The following ZHX1 variants were observed in gnomAD, a reference collection of about 807,000 sequenced individuals.
ZHX1 encodes zinc fingers and homeoboxes 1.
A neutral mutation model predicts 61.8 loss-of-function variants in ZHX1; 20 were observed. That is an observed-to-expected ratio of 0.32 (90% CI 0.23 to 0.47). ZHX1 has a LOEUF of 0.47. ZHX1 is among the 20% of genes least tolerant of loss of function. The pLI is 1.00. For missense variants in ZHX1, 800 were observed against 1,034.8 expected, an observed-to-expected ratio of 0.77 and a Z score of 3.11; for synonymous variants, 318 against 352.6, an observed-to-expected ratio of 0.90 and a Z score of 1.10.
chr8:123,261,499 T>C (rs1826265138), intron 2 of ZHX1, among the ~76,000 whole-genome samples: 1 of 152,160 alleles, frequency 6.6e-6, no homozygotes, highest in Admixed American at 6.5e-5. Context: ...AATGATGCAA[T>C]GGTGACCAAG....
intron 1 of ZHX1, among the ~76,000 whole-genome samples, chr8:123,268,881 C>CTA (rs1826552104): frequency 6.6e-6 from 1 of 152,076 alleles, no homozygotes. Context: ...TTTTTTTATT[C>CTA]CTGCTACTAT....
At chr8:123,268,924 C>G (rs904959008) in intron 1 of ZHX1, among the ~76,000 whole-genome samples, 2 of 152,202 alleles carry the variant, frequency 1.3e-5, no homozygotes, top group Non-Finnish European at 2.9e-5. Flanking sequence ...CTTCTCACAT[C>G]AAGAAATAAT....
In ZHX1 at chr8:123,253,465, C is replaced by A; in HGVS notation, c.2482G>T (p.Gly828Cys). 1 of 1,614,094 alleles carries A rather than the reference C, an allele frequency of 6.2e-7. No homozygotes were observed. The highest frequency in any genetic ancestry group is 8.5e-7 in the Non-Finnish European group (1 of 1,179,998). The change falls in exon 3 of 4, where the codon GGT (glycine) becomes TGT (cysteine). Residue 828 changes from glycine (G) to cysteine (C), a missense_variant. Physicochemically the swap from Gly to Cys is radical, Grantham distance 159. Transcript: ENST00000395571. The stretch of plus-strand genomic sequence containing the variant: ...TCATTTTCCTCAAATAATTCTATAC[C>A]TAATTCTGATCTTCTCTGTCTTTCT... ...FAERQRRSEL[G>C]IELFEENEEE... is the part of the protein sequence containing the mutation.
rs1283719169 is a variant in ZHX1, at chr8:123,248,488, C to T, written c.*1836G>A. 1 of 151,112 alleles carries T rather than the reference C, an allele frequency of 6.6e-6. No homozygotes were observed. The highest frequency in any genetic ancestry group is 1.5e-5 in the Non-Finnish European group (1 of 67,848). 9.4% of individuals were successfully genotyped at this position (151,112 alleles called of 1,614,324 possible). On this transcript the variant is annotated 3_prime_UTR_variant, in exon 4 of 4. Transcript: ENST00000395571. ...CTAATCACTACTTTTATTTTGTATT[C>T]AAGGTCACAATCAACCAGAAGAGGG...
At chr8:123,251,320 T>C (rs1825913486) in intron 3 of ZHX1, among the ~76,000 whole-genome samples, 2 of 152,196 alleles carry the variant, frequency 1.3e-5, no homozygotes. Context: ...TAAACCTCTT[T>C]TCTTCATAAA....
Position 123,248,837 on chromosome 8 carries a change from C to T in ZHX1, c.*1487G>A, listed in dbSNP as rs548214503. The T allele has an allele frequency of 1.7e-4, 26 of 151,996 alleles. No homozygotes were observed. The highest frequency in any genetic ancestry group is 1.4e-3 in the Admixed American group (21 of 15,232). The allele number at this position is 151,996 out of a possible 1,614,324, so 9.4% of individuals were successfully genotyped here. On this transcript the variant is annotated 3_prime_UTR_variant, in exon 4 of 4. Coordinates refer to ENST00000395571, the MANE Select transcript of ZHX1 (RefSeq NM_007222.5). ...GAAAAAAAAAAAGCTTAGTGCATTA[C>T]GGTCTTTACATTGCTTCTTTTTTAA...
At position 123,274,198 on chromosome 8, in the gene ZHX1, A is replaced by C. The variant is rs1826765044; in HGVS notation, c.-340+19T>G. ...GAGTCTCCGGGCCCGCTGGTCGCGG[A>C]GCCGGCTCGCGCCACTACCTGCAGG... On this transcript the variant is annotated intron_variant, in intron 1 of 3. Coordinates refer to ENST00000395571, the MANE Select transcript of ZHX1 (RefSeq NM_007222.5). 6.6e-6 allele frequency: 1 copy of C among 152,564 alleles called. No homozygotes were observed. Among genetic ancestry groups the C allele is most frequent in the Middle Eastern group, 3.4e-3 (1 of 292 alleles). 9.5% of individuals were successfully genotyped at this position (152,564 alleles called of 1,614,324 possible). A position where few individuals can be genotyped will look rare whatever the true frequency, so the allele number is the denominator to read the frequency against.
chr8:123,257,571 AT>A (rs748866747), intron 2 of ZHX1, among the ~76,000 whole-genome samples: 4 of 152,064 alleles, frequency 2.6e-5, no homozygotes, highest in Non-Finnish European at 4.4e-5. Context: ...ATGGAAGACC[AT>A]TTTTCCACAT....
intron 1 of ZHX1, among the ~76,000 whole-genome samples, chr8:123,268,417 A>G (rs1826536812): frequency 2.6e-5 from 4 of 152,224 alleles, no homozygotes; most frequent in African/African-American, 9.6e-5. Context: ...CCATCAGAAA[A>G]GTTTAATAAA....
At chr8:123,258,722 T>C (rs1409379101) in intron 2 of ZHX1, among the ~76,000 whole-genome samples, 1 of 152,160 alleles carries the variant, frequency 6.6e-6, no homozygotes, top group Non-Finnish European at 1.5e-5. Flanking sequence ...TATCTGAAAT[T>C]CACAATAATA....
chr8:123,251,396 T>C (rs569608258), intron 3 of ZHX1, among the ~76,000 whole-genome samples: 1 of 152,326 alleles, frequency 6.6e-6, no homozygotes, highest in Non-Finnish European at 1.5e-5. Context: ...ATGTATAGCA[T>C]ACATCATACA....
chr8:123,266,265 A>C (rs1309168650), intron 2 of ZHX1, among the ~76,000 whole-genome samples: 1 of 152,210 alleles, frequency 6.6e-6, no homozygotes, highest in Non-Finnish European at 1.5e-5. Context: ...CCAGTCTAAC[A>C]CAAGAATGCT....
chr8:123,255,405 G>T lies in ZHX1; in HGVS notation c.542C>A (p.Thr181Asn). ...ATTTTTCATCATTTTCATGATAGGA[G>T]TTTTACTGATAGATATTCCCGAAGA... ...VSSSGISISK[T>N]PIMKMMKNKV... The change falls in exon 3 of 4, where the codon ACT (threonine) becomes AAT (asparagine). Residue 181 changes from threonine (T) to asparagine (N), a missense_variant. Thr to Asn is a moderately conservative substitution (Grantham distance 65). Coordinates refer to ENST00000395571, the MANE Select transcript of ZHX1 (RefSeq NM_007222.5). 1 of 1,613,586 alleles carries T rather than the reference G, an allele frequency of 6.2e-7. No homozygotes were observed. The highest frequency in any genetic ancestry group is 8.5e-7 in the Non-Finnish European group (1 of 1,180,018).
chr8:123,260,585 AAC>A (rs1826218590), intron 2 of ZHX1, among the ~76,000 whole-genome samples: 1 of 150,602 alleles, frequency 6.6e-6, no homozygotes, highest in South Asian at 2.1e-4. Flanking sequence ...GCAACAGAGC[AAC>A]ACTCCATCTC....
chr8:123,275,344 C>T (rs1023546686), upstream of ZHX1: 1 of 152,586 alleles, frequency 6.6e-6, no homozygotes, highest in South Asian at 2.1e-4. Context: ...ACTCACCCTC[C>T]AGCTGCTCCA....
rs115499593 is a variant in ZHX1 at position 123,251,863 on chromosome 8, T to C, written c.*3+1459A>G. ...ACTGCTTATTAAAACAGGTACATTT[T>C]TAGTTTCATCTGTTATCCCTTAAAA... is the stretch of plus-strand genomic sequence containing the variant. On this transcript the variant is annotated intron_variant, in intron 3 of 3. Coordinates refer to ENST00000395571, the MANE Select transcript of ZHX1 (RefSeq NM_007222.5). Among the ~76,000 whole-genome samples, 360 of 152,322 alleles carry C rather than the reference T, an allele frequency of 2.4e-3. 2 individuals carry two copies. Among genetic ancestry groups the C allele is most frequent in the African/African-American group, 8.1e-3 (337 of 41,560 alleles).
At chr8:123,273,581 T>G (rs1432988927) in intron 1 of ZHX1, among the ~76,000 whole-genome samples, 1 of 152,084 alleles carries the variant, frequency 6.6e-6, no homozygotes, top group Non-Finnish European at 1.5e-5. Context: ...CCGAAACGGG[T>G]GCGCATAGCC....
chr8:123,272,814 C>G (rs1826701318), intron 1 of ZHX1, among the ~76,000 whole-genome samples: 3 of 152,296 alleles, frequency 2.0e-5, no homozygotes, highest in African/African-American at 7.2e-5. Flanking sequence ...TCCTCCCTAA[C>G]CGTGAACCGC....
chr8:123,266,893 T>C (rs1563814677), intron 2 of ZHX1, among the ~76,000 whole-genome samples: 5 of 152,210 alleles, frequency 3.3e-5, no homozygotes, highest in Admixed American at 3.3e-4. Flanking sequence ...GAAGCATTTT[T>C]CTGGATATAG....
Sources: allele counts gnomAD v4.1 joint callset (sites outside exome capture counted in the v4.1 genomes callset), GRCh38; gene constraint gnomAD v4.1.1; transcripts MANE v1.5; gene names NCBI Gene and HGNC (gene_info 2026-07-23, HGNC 2026-07-21).